Variants in PREX2 observed in about 807,000 individuals in gnomAD.
The protein encoded by PREX2 is phosphatidylinositol-3,4,5-trisphosphate dependent Rac exchange factor 2.
In PREX2, 107 loss-of-function variants were observed where a neutral mutation model predicts 203.2. The ratio of observed to expected loss-of-function variants is 0.53; its 90% CI spans 0.45 to 0.62. The LOEUF is 0.62. Among genes scored for constraint, PREX2 ranks in the 20% least tolerant of loss-of-function variants. PREX2 has a pLI of 0.00. For missense variants in PREX2, 1,777 were observed against 1,955.9 expected (o/e 0.91, Z 1.72); for synonymous variants, 672 against 663.6 (o/e 1.01, Z -0.19).
intron 35 of PREX2, among the ~76,000 whole-genome samples, chr8:68,164,814 T>C (rs2003187): frequency 0.42 from 63,929 of 150,640 alleles, 13,705 homozygotes; most frequent in African/African-American, 0.45. Flanking sequence ...ACTCCCAACC[T>C]CAGGTGATCT....
intron 37 of PREX2, among the ~76,000 whole-genome samples, chr8:68,201,189 A>G (rs919521021): frequency 6.6e-6 from 1 of 152,128 alleles, no homozygotes; most frequent in Non-Finnish European, 1.5e-5. Context: ...TAACTACTCT[A>G]ATAAGTGACG....
intron 22 of PREX2, 125 bp downstream of exon 22, chr8:68,097,326 C>CAT: frequency 3.5e-6 from 2 of 574,506 alleles, no homozygotes; most frequent in Non-Finnish European, 5.6e-6. Flanking sequence ...ATTCAAACTT[C>CAT]TTTTTTTTTT....
chr8:68,161,061 C>T (rs1451292979), intron 35 of PREX2, among the ~76,000 whole-genome samples: 1 of 151,922 alleles, frequency 6.6e-6, no homozygotes, highest in Middle Eastern at 3.4e-3. Flanking sequence ...CCTTTTATAA[C>T]CTTTTAAAAT....
chr8:68,034,290 T>C (rs1807970867), intron 6 of PREX2, among the ~76,000 whole-genome samples: 1 of 152,312 alleles, frequency 6.6e-6, no homozygotes, highest in East Asian at 1.9e-4. Flanking sequence ...CTGATTAATA[T>C]GCCTTGGAAG....
intron 35 of PREX2, among the ~76,000 whole-genome samples, chr8:68,179,022 GTTTTTATACACT>G (rs1812035128): frequency 1.3e-5 from 2 of 151,776 alleles, no homozygotes; most frequent in Non-Finnish European, 2.9e-5. Context: ...TTTTTTTTCA[GTTTTTATACACT>G]TTTGGTTTAT....
intron 34 of PREX2, among the ~76,000 whole-genome samples, chr8:68,152,567 T>G (rs1057495619): frequency 1.3e-5 from 2 of 152,102 alleles, no homozygotes; most frequent in Admixed American, 1.3e-4. Context: ...CATAGTTTAT[T>G]GCAAGGATTT....
intron 1 of PREX2, among the ~76,000 whole-genome samples, chr8:67,997,848 C>G (rs1222277308): frequency 6.6e-6 from 1 of 152,098 alleles, no homozygotes; most frequent in African/African-American, 2.4e-5. Context: ...TCATTTCTTT[C>G]TGATATCTTA....
chr8:68,168,914 T>TTA (rs1489845873), intron 35 of PREX2, among the ~76,000 whole-genome samples: 1 of 151,898 alleles, frequency 6.6e-6, no homozygotes. Context: ...GATGACTTTT[T>TTA]TTTTTTTAAC....
intron 33 of PREX2, among the ~76,000 whole-genome samples, chr8:68,143,903 A>G (rs1297446603): frequency 6.6e-6 from 1 of 152,100 alleles, no homozygotes; most frequent in Non-Finnish European, 1.5e-5. Context: ...ATGTTTTTGC[A>G]TGTAGATGCC....
intron 6 of PREX2, among the ~76,000 whole-genome samples, chr8:68,034,160 TA>T (rs1807965646): frequency 6.6e-6 from 1 of 152,206 alleles, no homozygotes; most frequent in Non-Finnish European, 1.5e-5. Context: ...GTGTATGTTT[TA>T]TTTGTTCATT....
intron 23 of PREX2, chr8:68,105,325 C>T (rs1298205873): frequency 6.6e-6 from 9 of 1,367,486 alleles, no homozygotes; most frequent in African/African-American, 1.5e-5. Flanking sequence ...GACCTTCCTT[C>T]TCAAGAAATG....
chr8:68,023,674 T>A (rs1375137184), intron 4 of PREX2, among the ~76,000 whole-genome samples: 5 of 152,138 alleles, frequency 3.3e-5, no homozygotes, highest in African/African-American at 1.2e-4. Flanking sequence ...TTTGGTCATA[T>A]ATAAGAAATC....
At chr8:68,039,017 A>G (rs970722313) in intron 7 of PREX2, among the ~76,000 whole-genome samples, 2 of 152,118 alleles carry the variant, frequency 1.3e-5, no homozygotes, top group African/African-American at 4.8e-5. Context: ...ATCATCCTCT[A>G]TCCTCCTAGC....
chr8:68,068,072 A>C (rs1323050891), intron 11 of PREX2, among the ~76,000 whole-genome samples: 1 of 152,084 alleles, frequency 6.6e-6, no homozygotes, highest in African/African-American at 2.4e-5. Flanking sequence ...CCACTTGATC[A>C]TGGCATATGA....
intron 25 of PREX2, among the ~76,000 whole-genome samples, chr8:68,111,981 T>C (rs1166809717): frequency 6.6e-6 from 1 of 152,212 alleles, no homozygotes; most frequent in Non-Finnish European, 1.5e-5. Flanking sequence ...CTAGAAGTTA[T>C]TCATCCCTGT....
intron 8 of PREX2, among the ~76,000 whole-genome samples, chr8:68,051,572 G>A (rs1808528842): frequency 1.3e-5 from 2 of 151,950 alleles, no homozygotes; most frequent in African/African-American, 2.4e-5. Context: ...TTTCTCAGTT[G>A]GTTATTTTTA....
rs1813228436 is a variant in PREX2, at chr8:68,234,409, T to C, written c.*3031T>C. On this transcript the variant is annotated 3_prime_UTR_variant, in exon 40 of 40. Coordinates refer to ENST00000288368, the MANE Select transcript of PREX2 (RefSeq NM_024870.4). ...GGTCATGCATAGAAAGTTTGGATTT[T>C]AACTTAGAGCCTGACTCAAAAATAA... 6.6e-6 allele frequency: 1 copy of C among 152,186 alleles called. No individual in the cohort carries two copies. Among genetic ancestry groups the C allele is most frequent in the Admixed American group, 6.5e-5 (1 of 15,272 alleles). The allele number at this position is 152,186 out of a possible 1,614,324, so 9.4% of individuals were successfully genotyped here.
chr8:68,129,332 A>G (rs1810957254), intron 31 of PREX2, among the ~76,000 whole-genome samples: 1 of 151,936 alleles, frequency 6.6e-6, no homozygotes, highest in Non-Finnish European at 1.5e-5. Flanking sequence ...GTAGATTTTT[A>G]TTTTGATTTC....
chr8:67,993,608 ATGTT>A, intron 1 of PREX2, among the ~76,000 whole-genome samples: 1 of 152,126 alleles, frequency 6.6e-6, no homozygotes, highest in South Asian at 2.1e-4. Context: ...GGGTTTCACC[ATGTT>A]GGCCAGGCTG....
Sources: allele counts gnomAD v4.1 joint callset (sites outside exome capture counted in the v4.1 genomes callset), GRCh38; gene constraint gnomAD v4.1.1; transcripts MANE v1.5; gene names NCBI Gene and HGNC (gene_info 2026-07-23, HGNC 2026-07-21).